The following HPS6 variants were observed in gnomAD, a reference collection of about 807,000 sequenced individuals.
HPS6 encodes the protein BLOC-2 complex member HPS6.
A neutral mutation model predicts 53.6 loss-of-function variants in HPS6; 46 were observed. That is an observed-to-expected ratio of 0.86 (90% CI 0.68 to 1.10). HPS6 has a LOEUF of 1.10. Among genes scored for constraint, HPS6 ranks in the 50% least tolerant of loss-of-function variants. The probability of loss-of-function intolerance (pLI) is 0.00; values close to 1 mark genes in which losing one functional copy is unlikely to be tolerated. For missense variants in HPS6, 1,034 were observed against 991.3 expected (o/e 1.04, Z -0.58); for synonymous variants, 535 against 470.8 (o/e 1.14, Z -1.77).
In HPS6 at chr10:102,067,506, T is replaced by G; in HGVS notation, c.2032T>G (p.Phe678Val). Residue 678 changes from phenylalanine to valine, a missense_variant, in exon 1 of 1, where the codon TTT becomes GTT. Physicochemically the swap from Phe to Val is conservative, Grantham distance 50 (BLOSUM62 -1). Coordinates refer to ENST00000299238, the MANE Select transcript of HPS6 (RefSeq NM_024747.6). ...AATCTTCAAACTGCTGCTGGCCGAG[T>G]TTGCCCAGCACCGCCGGCTTGATGC... is the stretch of plus-strand genomic sequence containing the variant. ...SEIFKLLLAE[F>V]AQHRRLDAHL... 1 of 1,613,652 alleles carries G rather than the reference T, an allele frequency of 6.2e-7. No individual in the cohort carries two copies. Among genetic ancestry groups the G allele is most frequent in the Non-Finnish European group, 8.5e-7 (1 of 1,180,026 alleles).
At position 102,067,436 on chromosome 10, in the gene HPS6, T is replaced by G; in HGVS notation, c.1962T>G (p.Asp654Glu). ...VQKEQWDRAL[D>E]AGLALGPSSP... ...AGGAACAATGGGATCGGGCTCTGGA[T>G]GCTGGCCTGGCCCTCGGCCCCTCCA... The change falls in exon 1 of 1, where the codon GAT (aspartate) becomes GAG (glutamate). Residue 654 changes from aspartate (D) to glutamate (E), a missense_variant. By Grantham distance (45) the Asp-to-Glu change is conservative. Coordinates refer to ENST00000299238, the MANE Select transcript of HPS6 (RefSeq NM_024747.6). The G allele has an allele frequency of 1.2e-6, 2 of 1,613,384 alleles. No individual in the cohort carries two copies. Among genetic ancestry groups the G allele is most frequent in the Non-Finnish European group, 1.7e-6 (2 of 1,180,032 alleles).
chr10:102,067,347 G>A lies in HPS6; in HGVS notation c.1873G>A (p.Glu625Lys), dbSNP rs769686850. Reference sequence around the variant, plus strand: ...GACCAGGCCTGAGGCTCTGGAGCTAGAGCTGCTCTTGAGCAGTGGGCGGCC... The same window carrying A: ...GACCAGGCCTGAGGCTCTGGAGCTAAAGCTGCTCTTGAGCAGTGGGCGGCC... ...EGTRPEALELELLLSSGRPKA... is the reference protein window; with the variant it reads ...EGTRPEALELKLLLSSGRPKA... Residue 625 changes from glutamate (E) to lysine (K), a missense_variant, in exon 1 of 1, where the codon GAG (glutamate) becomes AAG (lysine). Physicochemically the swap from Glu to Lys is moderately conservative, Grantham distance 56. Coordinates refer to ENST00000299238, the MANE Select transcript of HPS6 (RefSeq NM_024747.6). 3.1e-6 allele frequency: 5 copies of A among 1,613,224 alleles called. No individual in the cohort carries two copies. Among genetic ancestry groups the A allele is most frequent in the Non-Finnish European group, 3.4e-6 (4 of 1,179,934 alleles).
At position 102,067,165 on chromosome 10, in the gene HPS6, C is replaced by T. The variant is rs1311120364; in HGVS notation, c.1691C>T (p.Pro564Leu). The T allele has an allele frequency of 4.3e-6, 7 of 1,613,498 alleles. No homozygotes were observed. Among genetic ancestry groups the T allele is most frequent in the Non-Finnish European group, 5.9e-6 (7 of 1,180,036 alleles). Residue 564 changes from proline to leucine, a missense_variant, in exon 1 of 1, where the codon CCC (proline) becomes CTC (leucine). Coordinates refer to ENST00000299238, the MANE Select transcript of HPS6 (RefSeq NM_024747.6). ...GKEPPNGILP[P>L]FELLCQCLCQ... Reference sequence around the variant, plus strand: ...GAACCCCCCAATGGAATACTGCCCCCCTTTGAACTCCTGTGCCAGTGTCTG... The same window carrying T: ...GAACCCCCCAATGGAATACTGCCCCTCTTTGAACTCCTGTGCCAGTGTCTG...
In HPS6 at chr10:102,065,656, G is replaced by T. The variant is rs1296828074; in HGVS notation, c.182G>T (p.Arg61Leu). 1.3e-6 allele frequency: 2 copies of T among 1,538,062 alleles called. No individual in the cohort carries two copies. The highest frequency in any genetic ancestry group is 1.7e-6 in the Non-Finnish European group (2 of 1,153,274). ...AVAPQLLVASRGPGAELERAW... is the reference protein window; with the variant it reads ...AVAPQLLVASLGPGAELERAW... ...GCCCCACAGCTGCTAGTCGCGTCGC[G>T]AGGGCCCGGCGCGGAGCTAGAGCGG... The change falls in exon 1 of 1, where the codon CGA (arginine) becomes CTA (leucine). Residue 61 changes from arginine (R) to leucine (L), a missense_variant. Coordinates refer to ENST00000299238, the MANE Select transcript of HPS6 (RefSeq NM_024747.6).
Position 102,065,462 on chromosome 10 carries a change from G to A in HPS6, c.-13G>A. 6.5e-7 allele frequency: 1 copy of A among 1,550,130 alleles called. No homozygotes were observed. The highest frequency in any genetic ancestry group is 8.6e-7 in the Non-Finnish European group (1 of 1,159,664). ...CTGGGCAAAGCCTGGGCGCGCTCCC[G>A]CGCAGCGGCGCCATGAAGCGCTCGG... On this transcript the variant is annotated 5_prime_UTR_variant, in exon 1 of 1. Transcript: ENST00000299238.
chr10:102,065,897 C>G lies in HPS6; in HGVS notation c.423C>G (p.Cys141Trp). 1 of 1,541,092 alleles carries G rather than the reference C, an allele frequency of 6.5e-7. No homozygotes were observed. The highest frequency in any genetic ancestry group is 1.2e-5 in the South Asian group (1 of 85,008). The change falls in exon 1 of 1, where the codon TGC (cysteine) becomes TGG (tryptophan). Residue 141 changes from cysteine to tryptophan, a missense_variant. Cys to Trp is a radical substitution (Grantham distance 215). Transcript: ENST00000299238. The stretch of plus-strand genomic sequence containing the variant: ...CGCTCCGAGGCCGCCTGGTGTGGTG[C>G]GAGGAGCGGCAGGCCCGGGCCGAGG... ...VAALRGRLVW[C>W]EERQARAEGP...
In HPS6 at chr10:102,065,743, C is replaced by A; in HGVS notation, c.269C>A (p.Pro90Gln). 6.7e-7 allele frequency: 1 copy of A among 1,501,378 alleles called. No individual in the cohort carries two copies. Among genetic ancestry groups the A allele is most frequent in the Non-Finnish European group, 8.8e-7 (1 of 1,133,054 alleles). 93.0% of individuals were successfully genotyped at this position (1,501,378 alleles called of 1,614,324 possible). The part of the protein sequence containing the change: ...DAFFLPWPAR[P>Q]ALVLVWESGL... ...TTCTTCCTGCCGTGGCCAGCGCGGCCGGCGCTGGTGCTGGTGTGGGAGAGT... is the reference window on the plus strand; with the variant it reads ...TTCTTCCTGCCGTGGCCAGCGCGGCAGGCGCTGGTGCTGGTGTGGGAGAGT... Residue 90 changes from proline to glutamine, a missense_variant, in exon 1 of 1, where the codon CCG becomes CAG. Physicochemically the swap from Pro to Gln is moderately conservative, Grantham distance 76. Transcript: ENST00000299238.
In HPS6 at chr10:102,066,029, G is replaced by T; in HGVS notation, c.555G>T (p.Leu185=). The T allele has an allele frequency of 6.2e-7, 1 of 1,607,154 alleles. No homozygotes were observed. Residue 185 remains leucine, a synonymous_variant, in exon 1 of 1, where the codon CTG becomes CTT. Coordinates refer to ENST00000299238, the MANE Select transcript of HPS6 (RefSeq NM_024747.6). ...GCCTGGGCCGCACACACGTCCTGCT[G>T]CACCACTGCCCTGCCTTCGGGCTGC... ...STSLGRTHVL[L]HHCPAFGLLA...
rs1282672667 is a variant in HPS6, at chr10:102,065,759, G to A, written c.285G>A (p.Val95=). ...CAGCGCGGCCGGCGCTGGTGCTGGT[G>A]TGGGAGAGTGGCCTGGCCGAGGTGT... The part of the protein sequence containing the change: ...PWPARPALVL[V]WESGLAEVWG... The change falls in exon 1 of 1, where the codon GTG becomes GTA. Residue 95 remains valine, a synonymous_variant. Transcript: ENST00000299238. The A allele has an allele frequency of 6.7e-7, 1 of 1,502,370 alleles. No individual in the cohort carries two copies. The highest frequency in any genetic ancestry group is 8.8e-7 in the Non-Finnish European group (1 of 1,133,928). 93.1% of individuals were successfully genotyped at this position (1,502,370 alleles called of 1,614,324 possible).
In HPS6 at chr10:102,067,628, C is replaced by T. The variant is rs2136335283; in HGVS notation, c.2154C>T (p.Pro718=). The T allele has an allele frequency of 3.1e-6, 5 of 1,613,996 alleles. No individual in the cohort carries two copies. Among genetic ancestry groups the T allele is most frequent in the Non-Finnish European group, 4.2e-6 (5 of 1,180,040 alleles). ...LRTYLPDEVG[P]PTPFPEPGAE... is the part of the protein sequence containing the mutation. The stretch of plus-strand genomic sequence containing the variant: ...CATACCTCCCAGATGAGGTGGGGCC[C>T]CCAACCCCATTCCCTGAGCCTGGAG... The change falls in exon 1 of 1, where the codon CCC becomes CCT. Residue 718 remains proline (P), a synonymous_variant. Coordinates refer to ENST00000299238, the MANE Select transcript of HPS6 (RefSeq NM_024747.6).
Position 102,065,759 on chromosome 10 carries a change from G to T in HPS6, c.285G>T (p.Val95=). The T allele has an allele frequency of 2.0e-6, 3 of 1,502,478 alleles. No homozygotes were observed. Among genetic ancestry groups the T allele is most frequent in the Non-Finnish European group, 2.6e-6 (3 of 1,133,918 alleles). The allele number at this position is 1,502,478 out of a possible 1,614,324, so 93.1% of individuals were successfully genotyped here. A position where few individuals can be genotyped will look rare whatever the true frequency, so the allele number is the denominator to read the frequency against. ...PWPARPALVL[V]WESGLAEVWG... ...CAGCGCGGCCGGCGCTGGTGCTGGT[G>T]TGGGAGAGTGGCCTGGCCGAGGTGT... is the stretch of plus-strand genomic sequence containing the variant. The change falls in exon 1 of 1, where the codon GTG becomes GTT. Residue 95 remains valine (V), a synonymous_variant. Coordinates refer to ENST00000299238, the MANE Select transcript of HPS6 (RefSeq NM_024747.6).
Position 102,066,286 on chromosome 10 carries a change from A to G in HPS6, c.812A>G (p.His271Arg). 3 of 1,613,924 alleles carry G rather than the reference A, an allele frequency of 1.9e-6. No individual in the cohort carries two copies. The South Asian group carries it at 3.3e-5, about 18-fold the overall frequency. Residue 271 changes from histidine (H) to arginine (R), a missense_variant, in exon 1 of 1, where the codon CAC (histidine) becomes CGC (arginine). By Grantham distance (29) the His-to-Arg change is conservative (BLOSUM62 0). Transcript: ENST00000299238. ...LLSPREPLAV[H>R]TWAPTPQGLL... ...TCCCCCAGGGAGCCACTGGCTGTAC[A>G]CACCTGGGCCCCAACTCCCCAGGGC...
chr10:102,067,691 G>A lies in HPS6; in HGVS notation c.2217G>A (p.Leu739=). The change falls in exon 1 of 1, where the codon CTG becomes CTA. Residue 739 remains leucine (L), a synonymous_variant. Transcript: ENST00000299238. The stretch of plus-strand genomic sequence containing the variant: ...TCACTGTGGGCTTGCTCAAAGCCCT[G>A]CTGGAGCAGACTGGGGCTCAAGGAT... The part of the protein sequence containing the change: ...PPLTVGLLKA[L]LEQTGAQGWL... 2 of 1,613,812 alleles carry A rather than the reference G, an allele frequency of 1.2e-6. No homozygotes were observed. The highest frequency in any genetic ancestry group is 2.2e-5 in the South Asian group (2 of 91,078).
chr10:102,065,466 A>G lies in HPS6; in HGVS notation c.-9A>G. ...GCAAAGCCTGGGCGCGCTCCCGCGCAGCGGCGCCATGAAGCGCTCGGGGAC... is the reference window on the plus strand; with the variant it reads ...GCAAAGCCTGGGCGCGCTCCCGCGCGGCGGCGCCATGAAGCGCTCGGGGAC... On this transcript the variant is annotated 5_prime_UTR_variant, in exon 1 of 1. Transcript: ENST00000299238. 6.4e-7 allele frequency: 1 copy of G among 1,551,498 alleles called. No individual in the cohort carries two copies. Among genetic ancestry groups the G allele is most frequent in the Non-Finnish European group, 8.6e-7 (1 of 1,160,434 alleles).
In HPS6 at chr10:102,067,624, G is replaced by A. The variant is rs747877826; in HGVS notation, c.2150G>A (p.Gly717Glu). 1 of 1,613,864 alleles carries A rather than the reference G, an allele frequency of 6.2e-7. No individual in the cohort carries two copies. Among genetic ancestry groups the A allele is most frequent in the East Asian group, 2.2e-5 (1 of 44,892 alleles). Residue 717 changes from glycine to glutamate, a missense_variant, in exon 1 of 1, where the codon GGG becomes GAG. Coordinates refer to ENST00000299238, the MANE Select transcript of HPS6 (RefSeq NM_024747.6). ...LLRTYLPDEV[G>E]PPTPFPEPGA... is the part of the protein sequence containing the mutation. ...AGGACATACCTCCCAGATGAGGTGGGGCCCCCAACCCCATTCCCTGAGCCT... is the reference window on the plus strand; with the variant it reads ...AGGACATACCTCCCAGATGAGGTGGAGCCCCCAACCCCATTCCCTGAGCCT...
chr10:102,067,895 A>G lies in HPS6; in HGVS notation c.*93A>G. The G allele has an allele frequency of 7.0e-7, 1 of 1,422,722 alleles. No individual in the cohort carries two copies. The highest frequency in any genetic ancestry group is 9.9e-7 in the Non-Finnish European group (1 of 1,008,030). The allele number at this position is 1,422,722 out of a possible 1,614,324, so 88.1% of individuals were successfully genotyped here. On this transcript the variant is annotated 3_prime_UTR_variant, in exon 1 of 1. Coordinates refer to ENST00000299238, the MANE Select transcript of HPS6 (RefSeq NM_024747.6). ...GTTCCTCTGTGTCACTGACACAGGA[A>G]ATCATTTCTAGGACACAGTGATCAG...
In HPS6 at chr10:102,066,324, G is replaced by T. The variant is rs1554903629; in HGVS notation, c.850G>T (p.Asp284Tyr). ...AACTCCCCAGGGCCTGCTGTTGCTT[G>T]ACTTCGGGGGCACTGTGAGCCTATT... is the stretch of plus-strand genomic sequence containing the variant. ...APTPQGLLLL[D>Y]FGGTVSLLQS... Residue 284 changes from aspartate (D) to tyrosine (Y), a missense_variant, in exon 1 of 1, where the codon GAC becomes TAC. Asp to Tyr is a radical substitution (Grantham distance 160). Transcript: ENST00000299238. 2 of 1,613,880 alleles carry T rather than the reference G, an allele frequency of 1.2e-6. No individual in the cohort carries two copies. The highest frequency in any genetic ancestry group is 1.7e-6 in the Non-Finnish European group (2 of 1,180,000).
chr10:102,066,226 TC>T lies in HPS6; in HGVS notation c.754del (p.Arg252GlyfsTer38), dbSNP rs749791114. 4 of 1,613,716 alleles carry T rather than the reference TC, an allele frequency of 2.5e-6. No homozygotes were observed. The highest frequency in any genetic ancestry group is 1.3e-5 in the African/African-American group (1 of 74,896). ...CCTGGACGAGGGGACACATGGGACT[TC>T]CGGACCCTGCTCCGAGGCCTTCCTG... ...LNPGRGDTWD[F>X]RTLLRGLPGL... On this transcript the variant is annotated frameshift_variant, in exon 1 of 1. Coordinates refer to ENST00000299238, the MANE Select transcript of HPS6 (RefSeq NM_024747.6). LOFTEE classifies it high-confidence loss of function.
rs776580471 is a variant in HPS6, at chr10:102,067,263, G to C, written c.1789G>C (p.Ala597Pro). The C allele has an allele frequency of 6.8e-6, 11 of 1,612,690 alleles. No homozygotes were observed. Among genetic ancestry groups the C allele is most frequent in the East Asian group, 2.2e-5 (1 of 44,898 alleles). Residue 597 changes from alanine (A) to proline (P), a missense_variant, in exon 1 of 1, where the codon GCA becomes CCA. Transcript: ENST00000299238. ...AQQQGGPGWG[A>P]GGPGLPLYRR... ...GCAGCAGGGCGGGCCGGGCTGGGGG[G>C]CAGGGGGCCCAGGACTGCCCCTGTA...
Sources: allele counts gnomAD v4.1 joint callset, GRCh38; gene constraint gnomAD v4.1.1; transcripts MANE v1.5; gene names NCBI Gene and HGNC (gene_info 2026-07-23, HGNC 2026-07-21).